ZNF704: variants seen among roughly 807,000 people sequenced by gnomAD.
ZNF704 encodes the protein zinc finger protein 704.
ZNF704 carries 10 observed loss-of-function variants against 44.7 expected under a neutral mutation model. That is an observed-to-expected ratio of 0.22 (90% CI 0.14 to 0.38). The LOEUF (loss-of-function observed/expected upper bound fraction) is 0.38, where lower values mean the gene tolerates loss of function less well. Among genes scored for constraint, ZNF704 ranks in the 10% least tolerant of loss-of-function variants. ZNF704 has a pLI of 1.00. For synonymous variants in ZNF704, 211 were observed against 207.6 expected, an observed-to-expected ratio of 1.02 and a Z score of -0.14; for missense variants, 390 against 545.5, an observed-to-expected ratio of 0.71 and a Z score of 2.84.
At chr8:80,782,803 A>G (rs1221284688) in intron 2 of ZNF704, among the ~76,000 whole-genome samples, 3 of 152,102 alleles carry the variant, frequency 2.0e-5, no homozygotes, top group African/African-American at 7.2e-5. Context: ...CCCACCCTCA[A>G]GGATACCAAA....
At chr8:80,870,509 CTCTT>C (rs1277703981) in intron 1 of ZNF704, among the ~76,000 whole-genome samples, 1 of 152,232 alleles carries the variant, frequency 6.6e-6, no homozygotes, top group Non-Finnish European at 1.5e-5. Context: ...ATCTCTCTCT[CTCTT>C]TCTTATTCTA....
intron 7 of ZNF704, among the ~76,000 whole-genome samples, chr8:80,653,017 C>T (rs1266781938): frequency 6.6e-6 from 1 of 152,162 alleles, no homozygotes; most frequent in East Asian, 1.9e-4. Context: ...GTTCAACATA[C>T]ACAAATCAAT....
rs1290461259 is a variant in ZNF704, at chr8:80,670,526, T to C, written c.636A>G (p.Lys212=). 6.2e-7 allele frequency: 1 copy of C among 1,614,094 alleles called. No homozygotes were observed. The highest frequency in any genetic ancestry group is 1.1e-5 in the South Asian group (1 of 91,066). ...ACCCCAGATGGATGGTTCGGATGTG[T>C]TTCTGGATACCTGCTGCAGTGCTCA... ...KVLSTAAGIQ[K]HIRTIHLGRV... The change falls in exon 5 of 9, where the codon AAA becomes AAG. Residue 212 remains lysine, a synonymous_variant. Transcript: ENST00000327835.
intron 2 of ZNF704, among the ~76,000 whole-genome samples, chr8:80,804,566 A>G (rs1379467629): frequency 1.3e-5 from 2 of 152,184 alleles, no homozygotes; most frequent in Non-Finnish European, 2.9e-5. Context: ...CAGCAAACTA[A>G]TGCAGGAACA....
intron 1 of ZNF704, among the ~76,000 whole-genome samples, chr8:80,853,575 C>T (rs763276778): frequency 1.3e-5 from 2 of 150,468 alleles, no homozygotes; most frequent in Non-Finnish European, 3.0e-5. Flanking sequence ...AAAAAGACAA[C>T]GAAACTATAG....
Position 80,687,334 on chromosome 8 carries a change from C to A in ZNF704, c.450G>T (p.Ser150=). ...SNPSTPSPPL[S]ADSFKPFRSP... ...TGCGGAAGGGCTTGAAGCTGTCAGC[C>A]GAGAGCGGCGGCGACGGCGTGGACG... The change falls in exon 4 of 9, where the codon TCG becomes TCT. Residue 150 remains serine (S), a synonymous_variant. Transcript: ENST00000327835. The A allele has an allele frequency of 6.2e-7, 1 of 1,611,356 alleles. No individual in the cohort carries two copies. The highest frequency in any genetic ancestry group is 8.5e-7 in the Non-Finnish European group (1 of 1,179,742).
intron 1 of ZNF704, among the ~76,000 whole-genome samples, chr8:80,852,514 T>C (rs913680096): frequency 6.6e-5 from 10 of 152,204 alleles, no homozygotes; most frequent in African/African-American, 2.4e-4. Flanking sequence ...ATTGTGGAAA[T>C]GTTGTAATTA....
rs866155219 is a variant in ZNF704 at position 80,693,307 on chromosome 8, G to A, written c.222-200C>T. Among the ~76,000 whole-genome samples, 4 of 152,340 alleles carry A rather than the reference G, an allele frequency of 2.6e-5. No homozygotes were observed. In the Middle Eastern group the frequency reaches 0.01, roughly 389 times the overall value. On this transcript the variant is annotated intron_variant, in intron 2 of 8. Transcript: ENST00000327835. Reference sequence around the variant, plus strand: ...AGTCAAAGTCATACAGTATTAGGAAGACAAGGATTCCATCATCCATACTTC... The same window carrying A: ...AGTCAAAGTCATACAGTATTAGGAAAACAAGGATTCCATCATCCATACTTC...
At chr8:80,717,679 T>C (rs1563529628) in intron 2 of ZNF704, among the ~76,000 whole-genome samples, 1 of 152,360 alleles carries the variant, frequency 6.6e-6, no homozygotes, top group East Asian at 1.9e-4. Flanking sequence ...GTTGGGATTA[T>C]TACCAGTTGG....
chr8:80,682,100 A>G (rs1486874687), intron 4 of ZNF704, among the ~76,000 whole-genome samples: 1 of 152,218 alleles, frequency 6.6e-6, no homozygotes, highest in Non-Finnish European at 1.5e-5. Flanking sequence ...TCTTTTTGCA[A>G]GAGGCACTCT....
chr8:80,874,342 C>G lies in ZNF704; in HGVS notation c.-22+229G>C, dbSNP rs972559140. ...CGCCTCCGCCGCCGCCGCCGCCGCC[C>G]GGGAGCCGCGGGCCGCGCTGCGCTC... On this transcript the variant is annotated intron_variant, in intron 1 of 8. Coordinates refer to ENST00000327835, the MANE Select transcript of ZNF704 (RefSeq NM_001033723.3). This position sits in a 1 kb window ranked among gnomAD's most constrained non-coding sequence, Gnocchi z 4.4. Among the ~76,000 whole-genome samples, 1 of 144,962 alleles carries G rather than the reference C, an allele frequency of 6.9e-6. No individual in the cohort carries two copies. The highest frequency in any genetic ancestry group is 2.5e-5 in the African/African-American group (1 of 40,512).
chr8:80,879,881 A>G, the ZNF704 span, among the ~76,000 whole-genome samples: 1 of 152,066 alleles, frequency 6.6e-6, no homozygotes, highest in African/African-American at 2.4e-5. Context: ...TTCATGCAAG[A>G]CCCTTCTGGT....
At chr8:80,705,991 G>A (rs909703947) in intron 2 of ZNF704, among the ~76,000 whole-genome samples, 3 of 152,208 alleles carry the variant, frequency 2.0e-5, no homozygotes, top group Admixed American at 6.5e-5. Context: ...AGAGCCTGTC[G>A]TATGTGCAGG....
At chr8:80,841,371 G>A (rs564062640) in intron 1 of ZNF704, among the ~76,000 whole-genome samples, 8 of 152,264 alleles carry the variant, frequency 5.3e-5, no homozygotes, top group East Asian at 1.9e-4. Flanking sequence ...TACAGTATCT[G>A]CCACACCACC....
At chr8:80,864,949 G>A (rs368071976) in intron 1 of ZNF704, among the ~76,000 whole-genome samples, 8 of 152,134 alleles carry the variant, frequency 5.3e-5, no homozygotes, top group African/African-American at 1.4e-4. Flanking sequence ...TAAGAGATAG[G>A]ATGTCTCTGT....
Position 80,637,908 on chromosome 8 carries a change from C to A in ZNF704, c.*3458G>T. 6.6e-6 allele frequency: 1 copy of A among 152,410 alleles called. No individual in the cohort carries two copies. Among genetic ancestry groups the A allele is most frequent in the Non-Finnish European group, 1.5e-5 (1 of 68,072 alleles). 9.4% of individuals were successfully genotyped at this position (152,410 alleles called of 1,614,324 possible). ...GCTCAGGCTAGGCACAGCAGCCCTG[C>A]ACTCTTGGCCGGAGGTACTTCCCTT... On this transcript the variant is annotated 3_prime_UTR_variant, in exon 9 of 9. Coordinates refer to ENST00000327835, the MANE Select transcript of ZNF704 (RefSeq NM_001033723.3).
chr8:80,870,372 A>G (rs1809231446), intron 1 of ZNF704, among the ~76,000 whole-genome samples: 2 of 152,304 alleles, frequency 1.3e-5, no homozygotes, highest in Middle Eastern at 3.4e-3. Context: ...AAAACTTGTC[A>G]AAAGAGTTTT....
intron 2 of ZNF704, among the ~76,000 whole-genome samples, chr8:80,723,756 A>G (rs551284661): frequency 3.3e-5 from 5 of 152,350 alleles, no homozygotes; most frequent in Admixed American, 1.3e-4. Context: ...CATGGTTTTC[A>G]AAATCCTTGC....
chr8:80,737,331 C>T (rs1009576191), intron 2 of ZNF704, among the ~76,000 whole-genome samples: 5 of 152,186 alleles, frequency 3.3e-5, no homozygotes, highest in African/African-American at 7.2e-5. Flanking sequence ...CTGACTGAGG[C>T]TGGATGGTCC....
Sources: allele counts gnomAD v4.1 joint callset (sites outside exome capture counted in the v4.1 genomes callset), GRCh38; gene constraint gnomAD v4.1.1; non-coding constraint Gnocchi (gnomAD v3.1); transcripts MANE v1.5; gene names NCBI Gene and HGNC (gene_info 2026-07-23, HGNC 2026-07-21).